GRIP1: variants seen among roughly 807,000 people sequenced by gnomAD.
GRIP1 encodes the protein glutamate receptor interacting protein 1, also known as glutamate receptor-interacting protein 1.
GRIP1 carries 45 observed loss-of-function variants against 129.9 expected under a neutral mutation model. The ratio of observed to expected loss-of-function variants is 0.35; its 90% CI spans 0.27 to 0.44. GRIP1 has a LOEUF of 0.44. GRIP1 is among the 20% of genes least tolerant of loss of function. The pLI, the probability that GRIP1 is intolerant of heterozygous loss-of-function variation, is 1.00. For synonymous variants in GRIP1, 530 were observed against 520.8 expected (o/e 1.02, Z -0.24); for missense variants, 1,196 against 1,396.8 (o/e 0.86, Z 2.29).
At chr12:66,763,290 C>T (rs1802034944) in intron 1 of GRIP1, among the ~76,000 whole-genome samples, 1 of 152,102 alleles carries the variant, frequency 6.6e-6, no homozygotes, top group Admixed American at 6.5e-5. Context: ...GACACCCTTG[C>T]AATCCATTCT....
At chr12:66,781,086 C>T (rs571443641) in intron 1 of GRIP1, among the ~76,000 whole-genome samples, 4 of 152,242 alleles carry the variant, frequency 2.6e-5, no homozygotes, top group South Asian at 2.1e-4. Flanking sequence ...CAGCAGGTAA[C>T]GGCGATACCA....
At chr12:67,058,756 A>G (rs1482801702) in intron 1 of GRIP1, among the ~76,000 whole-genome samples, 2 of 152,234 alleles carry the variant, frequency 1.3e-5, no homozygotes, top group African/African-American at 4.8e-5. Context: ...TCAAAACATA[A>G]GAAGAGTCCA....
chr12:66,743,376 G>A (rs944205412), intron 1 of GRIP1, among the ~76,000 whole-genome samples: 2 of 152,056 alleles, frequency 1.3e-5, no homozygotes, highest in Admixed American at 6.6e-5. Flanking sequence ...TATCCAAGCT[G>A]GTGGAGTGAC....
At chr12:66,788,565 CTG>C (rs1390306585) in intron 1 of GRIP1, among the ~76,000 whole-genome samples, 1 of 151,534 alleles carries the variant, frequency 6.6e-6, no homozygotes, top group Non-Finnish European at 1.5e-5. Flanking sequence ...AAAAAAAAAA[CTG>C]TGTTTTTTTT....
chr12:66,935,408 C>T (rs946967327), intron 1 of GRIP1, among the ~76,000 whole-genome samples: 2 of 151,926 alleles, frequency 1.3e-5, no homozygotes, highest in Non-Finnish European at 2.9e-5. Flanking sequence ...TCATGGTAGG[C>T]CCCTAGATAA....
chr12:66,486,953 A>G (rs1474750867), intron 7 of GRIP1, among the ~76,000 whole-genome samples: 1 of 151,838 alleles, frequency 6.6e-6, no homozygotes, highest in Non-Finnish European at 1.5e-5. Flanking sequence ...ACTGCACCCA[A>G]CGAATTTTTA....
intron 1 of GRIP1, among the ~76,000 whole-genome samples, chr12:66,797,262 G>A (rs1425819973): frequency 6.6e-6 from 1 of 152,116 alleles, no homozygotes; most frequent in Non-Finnish European, 1.5e-5. Context: ...GAAAAGTAAG[G>A]GCAAAGAATG....
chr12:66,847,557 C>T (rs1017008145), intron 1 of GRIP1, among the ~76,000 whole-genome samples: 1 of 152,100 alleles, frequency 6.6e-6, no homozygotes, highest in African/African-American at 2.4e-5. Flanking sequence ...ATCCATTACA[C>T]ATATAGTACT....
chr12:67,053,488 G>A (rs557629733), intron 1 of GRIP1, among the ~76,000 whole-genome samples: 7 of 152,218 alleles, frequency 4.6e-5, no homozygotes, highest in East Asian at 3.9e-4. Context: ...AATAAATATC[G>A]AGACAAAGAT....
intron 1 of GRIP1, among the ~76,000 whole-genome samples, chr12:67,031,617 A>G (rs572490086): frequency 6.6e-6 from 1 of 152,204 alleles, no homozygotes; most frequent in Admixed American, 6.5e-5. Flanking sequence ...TCCTGAACCC[A>G]TCATCTTTCC....
intron 1 of GRIP1, among the ~76,000 whole-genome samples, chr12:66,979,238 A>AC (rs1310429490): frequency 0.068 from 6,630 of 97,334 alleles, 348 homozygotes; most frequent in Non-Finnish European, 0.12. Context: ...AAAAAAAAAA[A>AC]AAAAAAAAAA....
chr12:67,005,819 G>A (rs1187711334), intron 1 of GRIP1, among the ~76,000 whole-genome samples: 1 of 152,182 alleles, frequency 6.6e-6, no homozygotes, highest in Admixed American at 6.6e-5. Context: ...TTAGTAAATG[G>A]TAAATCAGCA....
chr12:66,876,577 T>A (rs2040387014), intron 1 of GRIP1, among the ~76,000 whole-genome samples: 1 of 152,098 alleles, frequency 6.6e-6, no homozygotes, highest in African/African-American at 2.4e-5. Context: ...ATAGCAAAGC[T>A]GTCATGCAGC....
intron 1 of GRIP1, among the ~76,000 whole-genome samples, chr12:66,750,297 C>T (rs1422162175): frequency 6.6e-6 from 1 of 152,154 alleles, no homozygotes; most frequent in Non-Finnish European, 1.5e-5. Context: ...CATCATCCCA[C>T]AGAGAAGCAT....
chr12:66,725,393 A>C (rs1001872612), intron 1 of GRIP1, among the ~76,000 whole-genome samples: 1 of 152,196 alleles, frequency 6.6e-6, no homozygotes, highest in African/African-American at 2.4e-5. Flanking sequence ...AATTTTAAGA[A>C]TACATCATCT....
chr12:66,815,688 C>T (rs778846815), intron 1 of GRIP1, among the ~76,000 whole-genome samples: 5 of 151,876 alleles, frequency 3.3e-5, no homozygotes, highest in Non-Finnish European at 7.4e-5. Context: ...TGCTTCAGCT[C>T]GGGAAGTAGA....
At chr12:66,547,961 T>A (rs2061998210) in intron 2 of GRIP1, among the ~76,000 whole-genome samples, 1 of 152,198 alleles carries the variant, frequency 6.6e-6, no homozygotes, top group East Asian at 1.9e-4. Flanking sequence ...CAACTGCATA[T>A]GAATCTACAA....
chr12:66,349,321 T>A, intron 24 of GRIP1, 75 bp from the exon 25 acceptor site: 1 of 1,211,444 alleles, frequency 8.3e-7, no homozygotes, highest in South Asian at 1.2e-5. Flanking sequence ...ACATTTCAGG[T>A]GCAACAAGTT....
At chr12:66,453,276 CACAA>C (rs768683482) in intron 11 of GRIP1, among the ~76,000 whole-genome samples, 8 of 152,178 alleles carry the variant, frequency 5.3e-5, no homozygotes, top group African/African-American at 1.4e-4. Flanking sequence ...TCTTACCTAA[CACAA>C]ACAAATACTA....
Sources: allele counts gnomAD v4.1 joint callset (sites outside exome capture counted in the v4.1 genomes callset), GRCh38; gene constraint gnomAD v4.1.1; transcripts MANE v1.5; gene names NCBI Gene and HGNC (gene_info 2026-07-23, HGNC 2026-07-21).